The following USP32 variants were observed in gnomAD, a reference collection of about 807,000 sequenced individuals.
USP32 encodes ubiquitin specific peptidase 32.
Under a neutral mutation model 204.8 loss-of-function variants are expected in USP32, and 59 were observed. The ratio of observed to expected loss-of-function variants is 0.29; its 90% CI spans 0.23 to 0.36. The LOEUF (loss-of-function observed/expected upper bound fraction) is 0.36, where lower values mean the gene tolerates loss of function less well. Ranked by LOEUF, USP32 falls within the 10% of genes least tolerant of loss-of-function variation. The pLI is 1.00. For missense variants in USP32, 1,160 were observed against 1,946.4 expected, an observed-to-expected ratio of 0.60 and a Z score of 7.60; for synonymous variants, 517 against 678.4, an observed-to-expected ratio of 0.76 and a Z score of 3.70.
intron 2 of USP32, among the ~76,000 whole-genome samples, chr17:60,331,729 G>A (rs935948586): frequency 1.5e-5 from 2 of 137,524 alleles, no homozygotes; most frequent in African/African-American, 5.5e-5. Context: ...GGGGAACACA[G>A]CAAAACAAAA....
chr17:60,304,432 A>T (rs992567465), intron 2 of USP32, among the ~76,000 whole-genome samples: 2 of 152,022 alleles, frequency 1.3e-5, no homozygotes, highest in African/African-American at 4.8e-5. Flanking sequence ...AAAGTACCTC[A>T]GGCTGGAGGA....
At position 60,209,424 on chromosome 17, in the gene USP32, T is replaced by G; in HGVS notation, c.2544A>C (p.Pro848=). 1 of 1,574,354 alleles carries G rather than the reference T, an allele frequency of 6.4e-7. No homozygotes were observed. ...CATCACTGTCCTTCAGTTCCACATATGGCTTTTCATGGACTCGATTAAGAT... is the reference window on the plus strand; with the variant it reads ...CATCACTGTCCTTCAGTTCCACATAGGGCTTTTCATGGACTCGATTAAGAT... ...HEDLNRVHEK[P]YVELKDSDGR... The change falls in exon 22 of 34, where the codon CCA becomes CCC. Residue 848 remains proline, a synonymous_variant. Coordinates refer to ENST00000300896, the MANE Select transcript of USP32 (RefSeq NM_032582.4).
chr17:60,410,314 C>G (rs1378900874), intron 1 of USP32, among the ~76,000 whole-genome samples: 1 of 152,086 alleles, frequency 6.6e-6, no homozygotes, highest in African/African-American at 2.4e-5. Flanking sequence ...GATTTCATCC[C>G]TGACCCAACC....
At chr17:60,190,787 G>A in intron 28 of USP32, 104 bp from the exon 29 acceptor site, 3 of 1,481,926 alleles carry the variant, frequency 2.0e-6, no homozygotes, top group South Asian at 1.4e-5. Context: ...CTTTCCTCTT[G>A]GGCCTCACAA....
chr17:60,204,956 C>CTTT (rs34428660), intron 26 of USP32, among the ~76,000 whole-genome samples: 2 of 135,260 alleles, frequency 1.5e-5, no homozygotes, highest in Admixed American at 7.6e-5. Flanking sequence ...AAAAAGAAGT[C>CTTT]TTTTTTTTTT....
chr17:60,217,227 A>G (rs1225155776), intron 16 of USP32, among the ~76,000 whole-genome samples: 1 of 152,194 alleles, frequency 6.6e-6, no homozygotes, highest in African/African-American at 2.4e-5. Context: ...AAAATCTAGG[A>G]TCAGCACAAG....
intron 2 of USP32, among the ~76,000 whole-genome samples, chr17:60,337,336 T>C (rs1361149167): frequency 5.3e-5 from 8 of 152,340 alleles, no homozygotes; most frequent in Non-Finnish European, 1.2e-4. Context: ...TTGATTAATA[T>C]ACACAGTTTC....
chr17:60,391,751 G>A (rs2089838446), intron 1 of USP32, 131 bp downstream of exon 1: 2 of 993,794 alleles, frequency 2.0e-6, no homozygotes, highest in Non-Finnish European at 2.9e-6. Context: ...CACTCCCCAA[G>A]GCCGGCCGCC....
chr17:60,289,350 T>G (rs146847602), intron 4 of USP32, among the ~76,000 whole-genome samples: 14 of 152,326 alleles, frequency 9.2e-5, no homozygotes, highest in Admixed American at 2.0e-4. Flanking sequence ...ATTTTTCACT[T>G]GCCTTATCCC....
chr17:60,272,176 G>A (rs2086739191), intron 5 of USP32, among the ~76,000 whole-genome samples: 1 of 151,966 alleles, frequency 6.6e-6, no homozygotes, highest in South Asian at 2.1e-4. Flanking sequence ...CTTCTCTCCT[G>A]GCTAGACTGT....
chr17:60,261,645 AAAAAACAAAAAT>A (rs1291549463), intron 9 of USP32, among the ~76,000 whole-genome samples: 3 of 152,128 alleles, frequency 2.0e-5, no homozygotes, highest in African/African-American at 7.2e-5. Context: ...GACTATCTCA[AAAAAACAAAAAT>A]AAAAACAAAA....
At chr17:60,323,411 AATCT>A (rs1474890913) in intron 2 of USP32, among the ~76,000 whole-genome samples, 2 of 152,200 alleles carry the variant, frequency 1.3e-5, no homozygotes, top group Non-Finnish European at 2.9e-5. Context: ...AGAATAGTGA[AATCT>A]ATATAGACAG....
intron 2 of USP32, among the ~76,000 whole-genome samples, chr17:60,326,908 C>G (rs181844213): frequency 2.6e-5 from 4 of 152,102 alleles, no homozygotes; most frequent in East Asian, 1.9e-4. Context: ...CTCAGTCTTA[C>G]GTAGATGCTA....
At chr17:60,396,794 A>G (rs981314242), upstream of USP32, among the ~76,000 whole-genome samples, 11 of 152,204 alleles carry the variant, frequency 7.2e-5, no homozygotes, top group African/African-American at 1.7e-4. Context: ...TTTTACTACA[A>G]TCTATGTTTG....
At chr17:60,261,387 T>A (rs1375576741) in intron 9 of USP32, among the ~76,000 whole-genome samples, 1 of 152,116 alleles carries the variant, frequency 6.6e-6, no homozygotes, top group Admixed American at 6.6e-5. Flanking sequence ...TGGCTCACAC[T>A]TGTAATCCTA....
rs563825473 is a variant in USP32, at chr17:60,376,431, A to T, written c.58+15451T>A. Reference sequence around the variant, plus strand: ...GGAAGCTGATTTTTAAAAATAATAAATATTAATTTTAAACACAGTATTAAA... The same window carrying T: ...GGAAGCTGATTTTTAAAAATAATAATTATTAATTTTAAACACAGTATTAAA... On this transcript the variant is annotated intron_variant, in intron 1 of 33. Coordinates refer to ENST00000300896, the MANE Select transcript of USP32 (RefSeq NM_032582.4). Among the ~76,000 whole-genome samples the T allele has an allele frequency of 3.5e-3, 536 of 152,068 alleles. 7 individuals carry two copies. The highest frequency in any genetic ancestry group is 0.028 in the East Asian group (146 of 5,184).
At chr17:60,392,479 G>C (rs1351118070), upstream of USP32, 2 of 235,760 alleles carry the variant, frequency 8.5e-6, no homozygotes, top group African/African-American at 2.4e-5. Context: ...GCTTGAGGAC[G>C]ACCCCCCCCG....
chr17:60,360,551 T>C (rs2089184816), intron 1 of USP32, among the ~76,000 whole-genome samples: 1 of 150,456 alleles, frequency 6.6e-6, no homozygotes, highest in Non-Finnish European at 1.5e-5. Flanking sequence ...CCCAGTTACT[T>C]GGGAGGCTGA....
intron 1 of USP32, among the ~76,000 whole-genome samples, chr17:60,349,053 G>C (rs1027330463): frequency 2.2e-4 from 33 of 151,750 alleles, no homozygotes; most frequent in Admixed American, 2.0e-3. Flanking sequence ...TAACAAATTA[G>C]GTTGTTCACA....
Sources: gnomAD v4.1 joint callset for allele counts (sites outside exome capture counted in the v4.1 genomes callset) on GRCh38, gnomAD v4.1.1 for gene constraint, MANE v1.5 for transcripts, NCBI Gene and HGNC (gene_info 2026-07-23, HGNC 2026-07-21) for gene names.